ATXN1: variants seen among roughly 807,000 people sequenced by gnomAD.
ATXN1 encodes the protein ataxin-1.
In ATXN1, 8 loss-of-function variants were observed where a neutral mutation model predicts 56.4. The ratio of observed to expected loss-of-function variants is 0.14; its 90% CI spans 0.08 to 0.26. The LOEUF is 0.26. Ranked by LOEUF, ATXN1 falls within the 10% of genes least tolerant of loss-of-function variation. The pLI is 1.00. For synonymous variants in ATXN1, 514 were observed against 494.6 expected (o/e 1.04, Z -0.52); for missense variants, 987 against 1,106.5 (o/e 0.89, Z 1.53).
At chr6:16,631,308 T>C (rs77510342) in intron 3 of ATXN1, among the ~76,000 whole-genome samples, 4,079 of 152,302 alleles carry the variant, frequency 0.027, 76 homozygotes, top group South Asian at 0.074. Flanking sequence ...GAATATAATG[T>C]TTCACAGGGT....
At chr6:16,474,437 A>G (rs1282482434) in intron 6 of ATXN1, among the ~76,000 whole-genome samples, 1 of 152,216 alleles carries the variant, frequency 6.6e-6, no homozygotes, top group Non-Finnish European at 1.5e-5. Context: ...CCCATCTCTC[A>G]GGCAAACCAG....
intron 2 of ATXN1, among the ~76,000 whole-genome samples, chr6:16,708,102 C>T (rs1430563001): frequency 6.6e-6 from 1 of 151,882 alleles, no homozygotes; most frequent in African/African-American, 2.4e-5. Flanking sequence ...GACATTAAAA[C>T]TAAAAGATTT....
At chr6:16,396,001 G>C (rs192031989) in intron 6 of ATXN1, among the ~76,000 whole-genome samples, 1,790 of 122,534 alleles carry the variant, frequency 0.015, 19 homozygotes, top group Non-Finnish European at 0.02. Context: ...GTGACAGAGC[G>C]AGACTCCGTC....
chr6:16,619,691 C>G (rs1298854809), intron 3 of ATXN1, among the ~76,000 whole-genome samples: 1 of 152,086 alleles, frequency 6.6e-6, no homozygotes, highest in African/African-American at 2.4e-5. Flanking sequence ...CTTCTGTGAT[C>G]AGGGAAACAA....
intron 6 of ATXN1, among the ~76,000 whole-genome samples, chr6:16,363,590 T>G (rs1325169583): frequency 6.6e-6 from 1 of 152,224 alleles, no homozygotes; most frequent in Non-Finnish European, 1.5e-5. Flanking sequence ...AAGTTTTCCT[T>G]CAAGCATAGA....
chr6:16,504,864 C>T (rs567071205), intron 5 of ATXN1, among the ~76,000 whole-genome samples: 48 of 152,260 alleles, frequency 3.2e-4, no homozygotes, highest in South Asian at 1.2e-3. Context: ...GACCTTCTTA[C>T]GAGGCTCAGG....
intron 7 of ATXN1, among the ~76,000 whole-genome samples, chr6:16,325,302 G>C (rs1009355830): frequency 6.6e-6 from 1 of 151,886 alleles, no homozygotes; most frequent in African/African-American, 2.4e-5. Flanking sequence ...ATTTTTAGTA[G>C]AGACAGGGTT....
chr6:16,450,070 A>AT (rs1214704114), intron 6 of ATXN1, among the ~76,000 whole-genome samples: 1 of 152,240 alleles, frequency 6.6e-6, no homozygotes, highest in Non-Finnish European at 1.5e-5. Flanking sequence ...AGGTTTCAAG[A>AT]TTGTGTTTGA....
chr6:16,495,084 C>T (rs575594054), intron 5 of ATXN1, among the ~76,000 whole-genome samples: 1 of 152,172 alleles, frequency 6.6e-6, no homozygotes, highest in Non-Finnish European at 1.5e-5. Context: ...TGAAACACAG[C>T]CTGTGCCTCA....
At position 16,303,541 on chromosome 6, in the gene ATXN1, A is replaced by T. The variant is rs1254169456; in HGVS notation, c.*2788T>A. On this transcript the variant is annotated 3_prime_UTR_variant, in exon 8 of 8. Coordinates refer to ENST00000436367, the MANE Select transcript of ATXN1 (RefSeq NM_001128164.2). The surrounding 1 kb of genome is among the most constrained non-coding windows in gnomAD (Gnocchi z 4.3). ...CACACTGGTCAGACTCTATTGGCAC[A>T]GAAAGTATTGCACATGCTAAAAAAG... 5 of 152,716 alleles carry T rather than the reference A, an allele frequency of 3.3e-5. No individual in the cohort carries two copies. The highest frequency in any genetic ancestry group is 7.3e-5 in the Non-Finnish European group (5 of 68,064). 9.5% of individuals were successfully genotyped at this position (152,716 alleles called of 1,614,324 possible).
chr6:16,321,021 C>A (rs2113398185), intron 7 of ATXN1, among the ~76,000 whole-genome samples: 1 of 152,312 alleles, frequency 6.6e-6, no homozygotes, highest in South Asian at 2.1e-4. Flanking sequence ...AGCTGTGAAT[C>A]ACTTTCTCAG....
intron 6 of ATXN1, among the ~76,000 whole-genome samples, chr6:16,347,479 G>C: frequency 6.6e-6 from 1 of 152,010 alleles, no homozygotes; most frequent in Non-Finnish European, 1.5e-5. Context: ...GGGACTTGGA[G>C]AACCTTTATG....
At chr6:16,520,431 A>G (rs1442485581) in intron 5 of ATXN1, among the ~76,000 whole-genome samples, 1 of 152,230 alleles carries the variant, frequency 6.6e-6, no homozygotes, top group Non-Finnish European at 1.5e-5. Flanking sequence ...TGACCCCAGA[A>G]GGAAACCAAA....
chr6:16,671,384 C>G (rs753695966), intron 2 of ATXN1, among the ~76,000 whole-genome samples: 1 of 150,824 alleles, frequency 6.6e-6, no homozygotes, highest in Non-Finnish European at 1.5e-5. Flanking sequence ...AAAGAGGAAC[C>G]ATTTTATGCA....
At chr6:16,500,503 C>G (rs749853614) in intron 5 of ATXN1, among the ~76,000 whole-genome samples, 1 of 152,126 alleles carries the variant, frequency 6.6e-6, no homozygotes, top group Non-Finnish European at 1.5e-5. Context: ...GAATAGCAGG[C>G]ACTACCTCTG....
chr6:16,442,694 C>T (rs533463318), intron 6 of ATXN1, among the ~76,000 whole-genome samples: 9 of 152,176 alleles, frequency 5.9e-5, no homozygotes, highest in Non-Finnish European at 1.2e-4. Flanking sequence ...AGAAGGGTAC[C>T]ATATTAAGGA....
At chr6:16,316,851 G>A (rs1384805679) in intron 7 of ATXN1, among the ~76,000 whole-genome samples, 1 of 136,270 alleles carries the variant, frequency 7.3e-6, no homozygotes, top group Non-Finnish European at 1.5e-5. Context: ...GGGGGCAATA[G>A]AGAGACTGCC....
intron 3 of ATXN1, among the ~76,000 whole-genome samples, chr6:16,624,452 G>A (rs568774417): frequency 1.5e-4 from 23 of 151,978 alleles, no homozygotes; most frequent in African/African-American, 5.5e-4. Context: ...ACTTGATGGT[G>A]AAGACGGTCA....
At chr6:16,710,515 C>T (rs1254649101) in intron 2 of ATXN1, among the ~76,000 whole-genome samples, 5 of 152,186 alleles carry the variant, frequency 3.3e-5, no homozygotes, top group East Asian at 1.9e-4. Flanking sequence ...AGAGGACTCA[C>T]GCTATCTGTT....
Sources: allele counts gnomAD v4.1 joint callset (sites outside exome capture counted in the v4.1 genomes callset), GRCh38; gene constraint gnomAD v4.1.1; non-coding constraint Gnocchi (gnomAD v3.1); transcripts MANE v1.5; gene names NCBI Gene and HGNC (gene_info 2026-07-23, HGNC 2026-07-21).